Variants in CHDH observed in about 807,000 individuals in gnomAD.
The protein encoded by CHDH is choline dehydrogenase, mitochondrial.
Under a neutral mutation model 56.9 loss-of-function variants are expected in CHDH, and 43 were observed. That is an observed-to-expected ratio of 0.76 (90% CI 0.59 to 0.97). CHDH has a LOEUF of 0.97. CHDH is among the 50% of genes least tolerant of loss of function. CHDH has a pLI of 0.00. For synonymous variants in CHDH, 364 were observed against 348.5 expected (o/e 1.04, Z -0.50); for missense variants, 816 against 821.1 (o/e 0.99, Z 0.08).
At chr3:53,828,572 A>G (rs1016214195) in intron 2 of CHDH, among the ~76,000 whole-genome samples, 2 of 152,272 alleles carry the variant, frequency 1.3e-5, no homozygotes, top group African/African-American at 4.8e-5. Context: ...TAACCCGATT[A>G]AAGAATGGCC....
Position 53,823,481 on chromosome 3 carries a change from G to A in CHDH, c.528C>T (p.Gly176=), listed in dbSNP as rs199546019. 16 of 1,546,590 alleles carry A rather than the reference G, an allele frequency of 1.0e-5. No homozygotes were observed. The highest frequency in any genetic ancestry group is 4.9e-5 in the East Asian group (2 of 40,876). ...CATCGGCGCCCCGGTACCGGCTGGCGCCCAGCTCGTGGCCCTGCGCCTTGC... is the reference window on the plus strand; with the variant it reads ...CATCGGCGCCCCGGTACCGGCTGGCACCCAGCTCGTGGCCCTGCGCCTTGC... The part of the protein sequence containing the change: ...YFRKAQGHEL[G]ASRYRGADGP... Residue 176 remains glycine (G), a synonymous_variant, in exon 3 of 9, where the codon GGC becomes GGT. Coordinates refer to ENST00000315251, the MANE Select transcript of CHDH (RefSeq NM_018397.5).
At position 53,817,923 on chromosome 3, in the gene CHDH, T is replaced by TGG; in HGVS notation, c.1637_1638dup (p.Ile547ProfsTer11). On this transcript the variant is annotated frameshift_variant, in exon 9 of 9. Transcript: ENST00000315251. LOFTEE classifies it high-confidence loss of function. ...TTGCCGCTGACCATGCTAGGCATGATGGAGGCATCGACGACCCTGAGGTTT... is the reference window on the plus strand; with the variant it reads ...TTGCCGCTGACCATGCTAGGCATGATGGGGAGGCATCGACGACCCTGAGGTTT... 1 of 1,614,214 alleles carries TGG rather than the reference T, an allele frequency of 6.2e-7. No homozygotes were observed. Among genetic ancestry groups the TGG allele is most frequent in the South Asian group, 1.1e-5 (1 of 91,090 alleles).
At chr3:53,837,575 C>T (rs1698536411) in intron 2 of CHDH, among the ~76,000 whole-genome samples, 1 of 152,252 alleles carries the variant, frequency 6.6e-6, no homozygotes, top group South Asian at 2.1e-4. Flanking sequence ...CCTCCGATGC[C>T]TGTGGCTCCT....
chr3:53,818,837 T>A lies in CHDH; in HGVS notation c.1366+101A>T, dbSNP rs919654462. The A allele has an allele frequency of 9.8e-6, 8 of 816,818 alleles. No individual in the cohort carries two copies. The African/African-American group carries it at 1.2e-4, about 12-fold the overall frequency. 50.6% of individuals were successfully genotyped at this position (816,818 alleles called of 1,614,324 possible). ...GGGGGACGACAGAGGGTCACTTGTG[T>A]CCTAGAAAGTGTAGTCCAAGGGTAT... On this transcript the variant is annotated intron_variant, in intron 8 of 8. Coordinates refer to ENST00000315251, the MANE Select transcript of CHDH (RefSeq NM_018397.5).
chr3:53,827,018 C>G (rs1461215341), intron 2 of CHDH, among the ~76,000 whole-genome samples: 1 of 152,124 alleles, frequency 6.6e-6, no homozygotes, highest in East Asian at 1.9e-4. Context: ...GGTGCAGTGG[C>G]CCATATAACC....
rs2106951183 is a variant in CHDH, at chr3:53,815,068, C to T, written c.*2709G>A. 1 of 152,358 alleles carries T rather than the reference C, an allele frequency of 6.6e-6. No homozygotes were observed. The allele number at this position is 152,358 out of a possible 1,614,324, so 9.4% of individuals were successfully genotyped here. The stretch of plus-strand genomic sequence containing the variant: ...CTCCTGCTTCAGGAACTCACCATCT[C>T]CAGTCAGGCTGCCAGATGCTCTTGG... On this transcript the variant is annotated 3_prime_UTR_variant, in exon 9 of 9. Coordinates refer to ENST00000315251, the MANE Select transcript of CHDH (RefSeq NM_018397.5).
chr3:53,829,535 G>A (rs534969812), intron 2 of CHDH, among the ~76,000 whole-genome samples: 2 of 152,204 alleles, frequency 1.3e-5, no homozygotes, highest in South Asian at 2.1e-4. Flanking sequence ...ATTTTGCTGT[G>A]AGCCTGAAAC....
chr3:53,819,052 CAG>C lies in CHDH; in HGVS notation c.1264-14_1264-13del, dbSNP rs1559747237. 2 of 1,574,898 alleles carry C rather than the reference CAG, an allele frequency of 1.3e-6. No individual in the cohort carries two copies. Among genetic ancestry groups the C allele is most frequent in the Admixed American group, 1.7e-5 (1 of 59,646 alleles). On this transcript the variant is annotated splice_polypyrimidine_tract_variant and intron_variant, in intron 7 of 8. Coordinates refer to ENST00000315251, the MANE Select transcript of CHDH (RefSeq NM_018397.5). This position sits in a 1 kb window ranked among gnomAD's most constrained non-coding sequence, Gnocchi z 5.4. ...GGCCCCACATGTACCTAGAAGAACA[CAG>C]AGGAAGCAGTGACGGTCCCTCCATA...
intron 8 of CHDH, 62 bp from the exon 9 acceptor site, chr3:53,818,257 A>C: frequency 7.0e-7 from 1 of 1,428,396 alleles, no homozygotes; most frequent in Non-Finnish European, 9.4e-7. Flanking sequence ...TCACTGGAAG[A>C]TTCACGGCAT....
chr3:53,838,537 C>T (rs996951794), intron 2 of CHDH, among the ~76,000 whole-genome samples: 20 of 152,290 alleles, frequency 1.3e-4, no homozygotes, highest in Admixed American at 5.2e-4. Flanking sequence ...GGATAGAAGG[C>T]GCTGGTGTCC....
chr3:53,835,329 AGCT>A (rs1351799383), intron 2 of CHDH, among the ~76,000 whole-genome samples: 1 of 150,726 alleles, frequency 6.6e-6, no homozygotes, highest in African/African-American at 2.4e-5. Context: ...CACAAAGCTC[AGCT>A]ACTCATGAGC....
chr3:53,821,849 C>A, intron 4 of CHDH, 73 bp from the exon 5 acceptor site: 1 of 1,568,040 alleles, frequency 6.4e-7, no homozygotes, highest in Non-Finnish European at 8.7e-7. Context: ...GCGCCCTACT[C>A]TAGCCAGCAC....
chr3:53,815,397 T>A lies in CHDH; in HGVS notation c.*2380A>T, dbSNP rs1307956549. The stretch of plus-strand genomic sequence containing the variant: ...ATGCTGGCTTCCTCAGGTGACAGCC[T>A]CTCCTCCTGGGGTGAATGAAAGACT... On this transcript the variant is annotated 3_prime_UTR_variant, in exon 9 of 9. Coordinates refer to ENST00000315251, the MANE Select transcript of CHDH (RefSeq NM_018397.5). The A allele has an allele frequency of 6.6e-6, 1 of 152,190 alleles. No homozygotes were observed. The highest frequency in any genetic ancestry group is 2.4e-5 in the African/African-American group (1 of 41,432). 9.4% of individuals were successfully genotyped at this position (152,190 alleles called of 1,614,324 possible). A position where few individuals can be genotyped will look rare whatever the true frequency, so the allele number is the denominator to read the frequency against.
intron 2 of CHDH, among the ~76,000 whole-genome samples, chr3:53,836,745 C>A (rs760455011): frequency 1.3e-5 from 2 of 152,188 alleles, no homozygotes; most frequent in Admixed American, 6.5e-5. Context: ...ACCCAACCTG[C>A]GCAGTCTGAG....
Position 53,822,724 on chromosome 3 carries a change from G to GAA in CHDH, c.704-83_704-82insTT, listed in dbSNP as rs753382119. On this transcript the variant is annotated intron_variant, in intron 3 of 8. Transcript: ENST00000315251. ...AGGAGGAAGGAGCTGGAGAAAGAAAGAGTGGATATGCCCAGCTCTGACTGC... is the reference window on the plus strand; with the variant it reads ...AGGAGGAAGGAGCTGGAGAAAGAAAGAAAGTGGATATGCCCAGCTCTGACTGC... The GAA allele has an allele frequency of 1.3e-5, 19 of 1,506,008 alleles. No homozygotes were observed. In the Middle Eastern group the frequency reaches 6.3e-4, roughly 50 times the overall value. The allele number at this position is 1,506,008 out of a possible 1,614,324, so 93.3% of individuals were successfully genotyped here.
In CHDH at chr3:53,819,494, A is replaced by C; in HGVS notation, c.1263+38T>G. Reference sequence around the variant, plus strand: ...AGCATCTTCCTTCCTGGTGGGAAGGAGACATCCTGGGAAGCCGAGGCTCTT... The same window carrying C: ...AGCATCTTCCTTCCTGGTGGGAAGGCGACATCCTGGGAAGCCGAGGCTCTT... On this transcript the variant is annotated intron_variant, in intron 7 of 8. Coordinates refer to ENST00000315251, the MANE Select transcript of CHDH (RefSeq NM_018397.5). The surrounding 1 kb of genome is among the most constrained non-coding windows in gnomAD (Gnocchi z 5.4). 6.4e-7 allele frequency: 1 copy of C among 1,572,512 alleles called. No homozygotes were observed. The highest frequency in any genetic ancestry group is 8.6e-7 in the Non-Finnish European group (1 of 1,159,362).
At position 53,820,541 on chromosome 3, in the gene CHDH, G is replaced by A. The variant is rs1264979050; in HGVS notation, c.1053C>T (p.Thr351=). 1 of 1,614,102 alleles carries A rather than the reference G, an allele frequency of 6.2e-7. No individual in the cohort carries two copies. The highest frequency in any genetic ancestry group is 1.7e-5 in the Admixed American group (1 of 60,012). The change falls in exon 6 of 9, where the codon ACC becomes ACT. Residue 351 remains threonine, a synonymous_variant. Coordinates refer to ENST00000315251, the MANE Select transcript of CHDH (RefSeq NM_018397.5). ...GCAGGGGCTTCTGTGCTGAATGGAG[G>A]GTGATAGGGCGGGTGCATGCCTGCT... ...YIQQACTRPI[T]LHSAQKPLRK... is the part of the protein sequence containing the mutation.
chr3:53,820,350 G>C, intron 6 of CHDH, 124 bp downstream of exon 6: 2 of 1,200,980 alleles, frequency 1.7e-6, no homozygotes, highest in South Asian at 3.2e-5. Flanking sequence ...TGAGGCTCAG[G>C]GCTAAGGTAA....
At chr3:53,821,876 T>G in intron 4 of CHDH, 100 bp from the exon 5 acceptor site, 2 of 1,467,496 alleles carry the variant, frequency 1.4e-6, no homozygotes, top group Non-Finnish European at 1.8e-6. Context: ...AACACAGCCT[T>G]GGGATGTAGA....
Sources: allele counts gnomAD v4.1 joint callset (sites outside exome capture counted in the v4.1 genomes callset), GRCh38; gene constraint gnomAD v4.1.1; non-coding constraint Gnocchi (gnomAD v3.1); transcripts MANE v1.5; gene names NCBI Gene and HGNC (gene_info 2026-07-23, HGNC 2026-07-21).